The following PRUNE2 variants were observed in gnomAD, a reference collection of about 807,000 sequenced individuals.
The protein encoded by PRUNE2 is prune homolog 2 with BCH domain.
A neutral mutation model predicts 252.0 loss-of-function variants in PRUNE2; 164 were observed. That is an observed-to-expected ratio of 0.65 (90% confidence interval 0.57 to 0.74). PRUNE2 has a LOEUF of 0.74. Ranked by LOEUF, PRUNE2 falls within the 30% of genes least tolerant of loss-of-function variation. The probability of loss-of-function intolerance (pLI) is 0.00; values close to 1 mark genes in which losing one functional copy is unlikely to be tolerated. For missense variants in PRUNE2, 3,495 were observed against 3,711.0 expected (o/e 0.94, Z 1.51); for synonymous variants, 1,292 against 1,350.2 (o/e 0.96, Z 0.94).
rs199720756 is a variant in PRUNE2 at position 76,705,664 on chromosome 9, G to C, written c.6610C>G (p.Gln2204Glu). Residue 2204 changes from glutamine to glutamate, a missense_variant, in exon 8 of 19, where the codon CAA (glutamine) becomes GAA (glutamate). Coordinates refer to ENST00000376718, the MANE Select transcript of PRUNE2 (RefSeq NM_015225.3). ...EINGDNSTGL[Q>E]VSEKGASPDM... ...GGGCTGGCTCCTTTTTCTGATACTTGTAAACCTGTACTGTTGTCACCGTTT... is the reference window on the plus strand; with the variant it reads ...GGGCTGGCTCCTTTTTCTGATACTTCTAAACCTGTACTGTTGTCACCGTTT... The C allele has an allele frequency of 6.2e-7, 1 of 1,614,010 alleles. No individual in the cohort carries two copies. The highest frequency in any genetic ancestry group is 1.3e-5 in the African/African-American group (1 of 75,050).
In PRUNE2 at chr9:76,792,921, T is replaced by C. The variant is rs370274214; in HGVS notation, c.756+30711A>G. On this transcript the variant is annotated intron_variant, in intron 6 of 18. Transcript: ENST00000376718. ...CAGTATTCATGATATGCTAGCAAGG[T>C]ACTTCATTTTAATTACATTTTCTCT... Among the ~76,000 whole-genome samples the C allele has an allele frequency of 3.2e-4, 48 of 152,360 alleles. 1 individual carries two copies. The South Asian group carries it at 9.5e-3, about 30-fold the overall frequency.
At chr9:76,889,044 T>C (rs2062289991) in intron 1 of PRUNE2, among the ~76,000 whole-genome samples, 1 of 152,060 alleles carries the variant, frequency 6.6e-6, no homozygotes, top group Non-Finnish European at 1.5e-5. Context: ...GGTTTCACCA[T>C]GTTGGCCAGG....
Position 76,709,846 on chromosome 9 carries a change from C to T in PRUNE2, c.2428G>A (p.Glu810Lys), listed in dbSNP as rs1189616648. 8 of 1,613,772 alleles carry T rather than the reference C, an allele frequency of 5.0e-6. No individual in the cohort carries two copies. The highest frequency in any genetic ancestry group is 6.8e-6 in the Non-Finnish European group (8 of 1,179,846). ...WSAFGKEDHD[E>K]ALKNTWNLHP... ...AAATTCCAGGTATTTTTTAAAGCTT[C>T]ATCATGATCTTCTTTACCAAATGCA... The change falls in exon 8 of 19, where the codon GAA becomes AAA. Residue 810 changes from glutamate to lysine, a missense_variant. Physicochemically the swap from Glu to Lys is moderately conservative, Grantham distance 56. Coordinates refer to ENST00000376718, the MANE Select transcript of PRUNE2 (RefSeq NM_015225.3).
chr9:76,776,887 AACACATACACAC>A (rs759136139), intron 6 of PRUNE2, among the ~76,000 whole-genome samples: 43 of 96,548 alleles, frequency 4.5e-4, no homozygotes, highest in African/African-American at 1.4e-3. Context: ...TCATTACCAA[AACACATACACAC>A]ACACACACAC....
intron 4 of PRUNE2, among the ~76,000 whole-genome samples, chr9:76,846,281 C>A (rs2059665495): frequency 1.3e-5 from 2 of 152,126 alleles, no homozygotes; most frequent in Non-Finnish European, 2.9e-5. Flanking sequence ...ATTTAATATT[C>A]TTGTCTAGTG....
At chr9:76,750,715 G>A (rs984656219) in intron 6 of PRUNE2, among the ~76,000 whole-genome samples, 4 of 152,192 alleles carry the variant, frequency 2.6e-5, no homozygotes, top group Non-Finnish European at 4.4e-5. Context: ...TAAGGCAGTC[G>A]CAGTGGGAGC....
At chr9:76,774,450 C>CTTTTTTTATTTATTTATTTA (rs1564272256) in intron 6 of PRUNE2, among the ~76,000 whole-genome samples, 24 of 41,390 alleles carry the variant, frequency 5.8e-4, no homozygotes, top group East Asian at 5.2e-3. Flanking sequence ...CAGTTCAACC[C>CTTTTTTTATTTATTTATTTA]TTTTTTTTTT....
chr9:76,715,556 T>C (rs1188488194), intron 6 of PRUNE2, among the ~76,000 whole-genome samples: 1 of 152,232 alleles, frequency 6.6e-6, no homozygotes, highest in Non-Finnish European at 1.5e-5. Context: ...AAGGATCTAT[T>C]GTAATGACAT....
In PRUNE2 at chr9:76,644,775, C is replaced by A. The variant is rs41310045; in HGVS notation, c.8692G>T (p.Val2898Phe). 5.7e-4 allele frequency: 921 copies of A among 1,613,904 alleles called. 1 individual carries two copies. Among genetic ancestry groups the A allele is most frequent in the Non-Finnish European group, 7.3e-4 (863 of 1,179,842 alleles). The stretch of plus-strand genomic sequence containing the variant: ...ATGACTCTCCTGTAGGGCTCGATGA[C>A]CTTCATGTCAATGCGCTGCTCTTGT... The part of the protein sequence containing the change: ...GEQEQRIDMK[V>F]IEPYRRVISH... The change falls in exon 12 of 19, where the codon GTC becomes TTC. Residue 2898 changes from valine (V) to phenylalanine (F), a missense_variant. Physicochemically the swap from Val to Phe is conservative, Grantham distance 50. Transcript: ENST00000376718.
At chr9:76,750,016 G>A (rs2050476098) in intron 6 of PRUNE2, among the ~76,000 whole-genome samples, 2 of 152,040 alleles carry the variant, frequency 1.3e-5, no homozygotes, top group African/African-American at 4.8e-5. Flanking sequence ...GTGGGCTTCT[G>A]GGTGGGCTTC....
At chr9:76,886,506 CTT>C (rs977055416) in intron 1 of PRUNE2, among the ~76,000 whole-genome samples, 5 of 152,222 alleles carry the variant, frequency 3.3e-5, no homozygotes, top group African/African-American at 1.2e-4. Flanking sequence ...TCTACCAGGA[CTT>C]GTCCCTTGAA....
intron 6 of PRUNE2, among the ~76,000 whole-genome samples, chr9:76,744,350 C>T (rs925585954): frequency 6.6e-6 from 1 of 152,182 alleles, no homozygotes; most frequent in Non-Finnish European, 1.5e-5. Context: ...ACACAGAAGC[C>T]TTCCACAGTA....
intron 1 of PRUNE2, 124 bp downstream of exon 1, chr9:76,905,804 C>T: frequency 1.6e-6 from 2 of 1,264,294 alleles, no homozygotes; most frequent in Non-Finnish European, 2.3e-6. Flanking sequence ...GGAGACAACC[C>T]GCACACCCTG....
chr9:76,655,459 C>T lies in PRUNE2; in HGVS notation c.8320G>A (p.Gly2774Ser), dbSNP rs140756661. ...DVGMDIPFEEGVLSPSAADMR... is the reference protein window; with the variant it reads ...DVGMDIPFEESVLSPSAADMR... The stretch of plus-strand genomic sequence containing the variant: ...TCTGCAGCACTGGGACTCAGCACGC[C>T]CTCTTCAAAGGGGATGTCCATTCCT... The change falls in exon 10 of 19, where the codon GGC (glycine) becomes AGC (serine). Residue 2774 changes from glycine (G) to serine (S), a missense_variant. Transcript: ENST00000376718. The T allele has an allele frequency of 4.7e-5, 75 of 1,612,840 alleles. No individual in the cohort carries two copies. In the African/African-American group the frequency reaches 8.3e-4, roughly 18 times the overall value.
intron 6 of PRUNE2, among the ~76,000 whole-genome samples, chr9:76,774,121 T>TTTTA (rs1429910817): frequency 6.6e-6 from 1 of 152,176 alleles, no homozygotes; most frequent in Non-Finnish European, 1.5e-5. Flanking sequence ...TTTGATTCTT[T>TTTTA]TTTATTTTTT....
At chr9:76,835,627 G>A (rs955823679) in intron 4 of PRUNE2, among the ~76,000 whole-genome samples, 3 of 152,078 alleles carry the variant, frequency 2.0e-5, no homozygotes, top group East Asian at 1.9e-4. Context: ...CCTACCCCTA[G>A]TATCTTCTTC....
At chr9:76,640,467 C>G (rs545035175) in intron 12 of PRUNE2, among the ~76,000 whole-genome samples, 21 of 152,252 alleles carry the variant, frequency 1.4e-4, no homozygotes, top group African/African-American at 5.1e-4. Flanking sequence ...TTGTTGTATA[C>G]AGTATTTATA....
At chr9:76,893,488 CTG>C (rs2133552054) in intron 1 of PRUNE2, among the ~76,000 whole-genome samples, 1 of 152,298 alleles carries the variant, frequency 6.6e-6, no homozygotes, top group South Asian at 2.1e-4. Flanking sequence ...ATCAGGGTGG[CTG>C]AATATAAATC....
chr9:76,793,512 T>C (rs1453305517), intron 6 of PRUNE2, among the ~76,000 whole-genome samples: 2 of 152,208 alleles, frequency 1.3e-5, no homozygotes, highest in Admixed American at 6.5e-5. Context: ...CAACAGATAC[T>C]GTACTGAGAG....
Sources: allele counts gnomAD v4.1 joint callset (sites outside exome capture counted in the v4.1 genomes callset), GRCh38; gene constraint gnomAD v4.1.1; transcripts MANE v1.5; gene names NCBI Gene and HGNC (gene_info 2026-07-23, HGNC 2026-07-21).